KCNN3: variants seen among roughly 807,000 people sequenced by gnomAD.
KCNN3 encodes potassium calcium-activated channel subfamily N member 3.
Under a neutral mutation model 62.9 loss-of-function variants are expected in KCNN3, and 16 were observed. The observed-to-expected ratio is 0.25, with a 90% CI of 0.17 to 0.39. KCNN3 has a LOEUF of 0.39. KCNN3 is among the 10% of genes least tolerant of loss of function. The probability of loss-of-function intolerance (pLI) is 1.00; values close to 1 mark genes in which losing one functional copy is unlikely to be tolerated. For missense variants in KCNN3, 599 were observed against 949.4 expected, an observed-to-expected ratio of 0.63 and a Z score of 4.85; for synonymous variants, 370 against 389.2, an observed-to-expected ratio of 0.95 and a Z score of 0.58.
At chr1:154,798,559 G>A (rs1195345282) in intron 2 of KCNN3, among the ~76,000 whole-genome samples, 1 of 152,200 alleles carries the variant, frequency 6.6e-6, no homozygotes, top group Non-Finnish European at 1.5e-5. Flanking sequence ...ACTAATTCAG[G>A]AGCAGCCTCT....
At chr1:154,860,735 G>T (rs911941187) in intron 1 of KCNN3, among the ~76,000 whole-genome samples, 1 of 152,204 alleles carries the variant, frequency 6.6e-6, no homozygotes, top group Non-Finnish European at 1.5e-5. Flanking sequence ...GGTGACATGG[G>T]CGCATATGCC....
At chr1:154,760,250 A>C (rs777035522) in intron 3 of KCNN3, among the ~76,000 whole-genome samples, 45 of 151,912 alleles carry the variant, frequency 3.0e-4, no homozygotes, top group Non-Finnish European at 5.7e-4. Context: ...AGTCATGTAT[A>C]ATTATTTAAT....
At chr1:154,755,537 G>GAAAGAAAGAA (rs1192451518) in intron 3 of KCNN3, among the ~76,000 whole-genome samples, 2 of 107,044 alleles carry the variant, frequency 1.9e-5, no homozygotes, top group Non-Finnish European at 3.9e-5. Context: ...GAAGAAGAAA[G>GAAAGAAAGAA]GAAAGGAAGG....
rs1217131264 is a variant in KCNN3, at chr1:154,708,189, C to T, written c.1983G>A (p.Ser661=). The change falls in exon 8 of 8, where the codon TCG becomes TCA. Residue 661 remains serine, a synonymous_variant. Transcript: ENST00000271915. ...AGCTGGCGGTGAGATGCTCCAGCTT[C>T]GACTCCAGGCTGCCAATCTGCTTCT... ...DLEKQIGSLE[S]KLEHLTASFN... is the part of the protein sequence containing the mutation. 1.9e-6 allele frequency: 3 copies of T among 1,613,608 alleles called. No individual in the cohort carries two copies. The Admixed American group carries it at 5.0e-5, about 27-fold the overall frequency.
intron 7 of KCNN3, among the ~76,000 whole-genome samples, chr1:154,709,807 T>C (rs1427445829): frequency 1.3e-5 from 2 of 152,158 alleles, no homozygotes; most frequent in Non-Finnish European, 2.9e-5. Context: ...CTTCCCGGAA[T>C]GTGCAAAATC....
chr1:154,798,770 C>T (rs764724749), intron 2 of KCNN3, among the ~76,000 whole-genome samples: 1 of 152,222 alleles, frequency 6.6e-6, no homozygotes, highest in African/African-American at 2.4e-5. Context: ...TGTGAAGTTA[C>T]ACAACTAAGA....
chr1:154,866,298 C>A (rs1391969859), intron 1 of KCNN3, among the ~76,000 whole-genome samples: 4 of 152,248 alleles, frequency 2.6e-5, no homozygotes, highest in Non-Finnish European at 4.4e-5. Context: ...AAAAAGATAT[C>A]TCCTTTCCTC....
intron 3 of KCNN3, among the ~76,000 whole-genome samples, chr1:154,758,552 GGT>G (rs1318484454): frequency 6.6e-6 from 1 of 152,202 alleles, no homozygotes; most frequent in Non-Finnish European, 1.5e-5. Context: ...AAAATGACCA[GGT>G]GTGTTAGGGC....
At chr1:154,755,849 G>A (rs1571242773) in intron 3 of KCNN3, among the ~76,000 whole-genome samples, 1 of 75,566 alleles carries the variant, frequency 1.3e-5, no homozygotes, top group South Asian at 3.7e-4. Context: ...GGGAAAGAAG[G>A]AAGAAGGAAG....
intron 1 of KCNN3, chr1:154,859,743 G>A (rs374182033): frequency 8.1e-6 from 13 of 1,614,076 alleles, no homozygotes; most frequent in Non-Finnish European, 9.3e-6. Flanking sequence ...CCAAACAACT[G>A]TCCTTGCAGA....
At position 154,862,121 on chromosome 1, in the gene KCNN3, G is replaced by T. The variant is rs1652792684; in HGVS notation, c.933+6911C>A. On this transcript the variant is annotated intron_variant, in intron 1 of 7. Coordinates refer to ENST00000271915, the MANE Select transcript of KCNN3 (RefSeq NM_002249.6). This position sits in a 1 kb window ranked among gnomAD's most constrained non-coding sequence, Gnocchi z 4.1. Reference sequence around the variant, plus strand: ...TCCCTCACTCAAATCCCCAGCAGAAGTTTGTGGTGGGGTTTGGAATAGGGA... The same window carrying T: ...TCCCTCACTCAAATCCCCAGCAGAATTTTGTGGTGGGGTTTGGAATAGGGA... Among the ~76,000 whole-genome samples the T allele has an allele frequency of 6.6e-6, 1 of 152,236 alleles. No homozygotes were observed. Among genetic ancestry groups the T allele is most frequent in the African/African-American group, 2.4e-5 (1 of 41,452 alleles).
At position 154,869,259 on chromosome 1, in the gene KCNN3, G is replaced by T. The variant is rs1300202445; in HGVS notation, c.706C>A (p.His236Asn). 1.2e-6 allele frequency: 2 copies of T among 1,613,964 alleles called. No homozygotes were observed. The highest frequency in any genetic ancestry group is 1.7e-5 in the Admixed American group (1 of 60,004). ...TGGTGGTTGTGGGTGGCATTAGGGT[G>T]ATGGAGCAGGGTCTGGTGGGCATGG... is the stretch of plus-strand genomic sequence containing the variant. ...DNHAHQTLLH[H>N]PNATHNHQHA... is the part of the protein sequence containing the mutation. The change falls in exon 1 of 8, where the codon CAC becomes AAC. Residue 236 changes from histidine (H) to asparagine (N), a missense_variant. His to Asn is a moderately conservative substitution (Grantham distance 68). This residue lies in a region of KCNN3 where 80 missense variants were observed against 85.4 expected (regional missense o/e 0.94). Coordinates refer to ENST00000271915, the MANE Select transcript of KCNN3 (RefSeq NM_002249.6). The surrounding 1 kb of genome is among the most constrained non-coding windows in gnomAD (Gnocchi z 6.1).
chr1:154,848,347 C>T (rs1558006048), intron 1 of KCNN3, among the ~76,000 whole-genome samples: 1 of 152,186 alleles, frequency 6.6e-6, no homozygotes, highest in Non-Finnish European at 1.5e-5. Flanking sequence ...CCCATATCTT[C>T]CCTTCCCACT....
chr1:154,714,806 G>T, intron 6 of KCNN3, 70 bp downstream of exon 6: 1 of 1,596,010 alleles, frequency 6.3e-7, no homozygotes, highest in Non-Finnish European at 8.6e-7. Flanking sequence ...CTGTGCTACT[G>T]ACAGAGTTGT....
At chr1:154,849,378 C>T (rs191149594) in intron 1 of KCNN3, among the ~76,000 whole-genome samples, 1 of 152,212 alleles carries the variant, frequency 6.6e-6, no homozygotes, top group Non-Finnish European at 1.5e-5. Flanking sequence ...CAATGCCCCC[C>T]AAGGCTATTA....
At chr1:154,784,406 A>G (rs1442999673) in intron 2 of KCNN3, among the ~76,000 whole-genome samples, 2 of 152,142 alleles carry the variant, frequency 1.3e-5, no homozygotes, top group African/African-American at 4.8e-5. Context: ...CATCCCAGCT[A>G]AACCAAGTTA....
chr1:154,852,179 G>A (rs6682760), intron 1 of KCNN3, among the ~76,000 whole-genome samples: 220 of 151,510 alleles, frequency 1.5e-3, no homozygotes, highest in African/African-American at 5.2e-3. Context: ...TTTTAAGTAC[G>A]TTTTCAACAA....
chr1:154,792,488 C>A (rs907028664), intron 2 of KCNN3, among the ~76,000 whole-genome samples: 2 of 152,208 alleles, frequency 1.3e-5, no homozygotes, highest in Non-Finnish European at 2.9e-5. Context: ...AGAAAAGTAA[C>A]AGCAAGCTGA....
At chr1:154,749,433 C>G (rs1042362722) in intron 3 of KCNN3, among the ~76,000 whole-genome samples, 1 of 152,198 alleles carries the variant, frequency 6.6e-6, no homozygotes, top group Non-Finnish European at 1.5e-5. Flanking sequence ...GTGGGAAGGA[C>G]GTGGGAATCA....
Sources: allele counts gnomAD v4.1 joint callset (sites outside exome capture counted in the v4.1 genomes callset), GRCh38; gene constraint gnomAD v4.1.1; regional missense constraint gnomAD v4.1.1; non-coding constraint Gnocchi (gnomAD v3.1); transcripts MANE v1.5; gene names NCBI Gene and HGNC (gene_info 2026-07-23, HGNC 2026-07-21).